Variants in PCK1 observed in about 807,000 individuals in gnomAD.
PCK1 encodes phosphoenolpyruvate carboxykinase, cytosolic [GTP].
In PCK1, 44 loss-of-function variants were observed where a neutral mutation model predicts 50.3. The ratio of observed to expected loss-of-function variants is 0.87; its 90% confidence interval spans 0.69 to 1.12. The LOEUF is 1.12. Among genes scored for constraint, PCK1 ranks in the 50% most tolerant of loss-of-function variants. The pLI, the probability that PCK1 is intolerant of heterozygous loss-of-function variation, is 0.00. For synonymous variants in PCK1, 332 were observed against 314.3 expected, an observed-to-expected ratio of 1.06 and a Z score of -0.59; for missense variants, 790 against 815.0, an observed-to-expected ratio of 0.97 and a Z score of 0.37.
In PCK1 at chr20:57,564,616, G is replaced by A. The variant is rs1333715127; in HGVS notation, c.1318+3G>A. On this transcript the variant is annotated splice_donor_region_variant and intron_variant, in intron 8 of 9. Coordinates refer to ENST00000319441, the MANE Select transcript of PCK1 (RefSeq NM_002591.4). The stretch of plus-strand genomic sequence containing the variant: ...CTTTGGAGGCCGTAGACCTGCTGGT[G>A]AGGCTCTCCTTCATTTAGGCTGGGA... The A allele has an allele frequency of 6.3e-7, 1 of 1,581,838 alleles. No homozygotes were observed. The highest frequency in any genetic ancestry group is 8.6e-7 in the Non-Finnish European group (1 of 1,163,514).
In PCK1 at chr20:57,565,897, G is replaced by A. The variant is rs192297442; in HGVS notation, c.*93G>A. The A allele has an allele frequency of 1.5e-4, 130 of 893,818 alleles. No individual in the cohort carries two copies. The highest frequency in any genetic ancestry group is 1.8e-4 in the Non-Finnish European group (110 of 596,526). 55.4% of individuals were successfully genotyped at this position (893,818 alleles called of 1,614,324 possible). A position where few individuals can be genotyped will look rare whatever the true frequency, so the allele number is the denominator to read the frequency against. ...AGAGGGCAAGTGTTCCCAAATTGAC[G>A]CCACCATAATAATCATCACCACACC... On this transcript the variant is annotated 3_prime_UTR_variant, in exon 10 of 10. Transcript: ENST00000319441.
chr20:57,562,627 A>T, intron 3 of PCK1, 69 bp from the exon 4 acceptor site: 1 of 1,353,384 alleles, frequency 7.4e-7, no homozygotes, highest in South Asian at 1.2e-5. Flanking sequence ...TCTACCTGGG[A>T]AAAAAATGCT....
rs1357380469 is a variant in PCK1 at position 57,564,380 on chromosome 20, G to T, written c.1173G>T (p.Trp391Cys). 6.2e-7 allele frequency: 1 copy of T among 1,614,000 alleles called. No homozygotes were observed. The highest frequency in any genetic ancestry group is 8.5e-7 in the Non-Finnish European group (1 of 1,179,886). The change falls in exon 7 of 10, where the codon TGG becomes TGT. Residue 391 changes from tryptophan to cysteine, a missense_variant. Physicochemically the swap from Trp to Cys is radical, Grantham distance 215. Transcript: ENST00000319441. ...VTITSWKNKE[W>C]SSEDGEPCAH... is the part of the protein sequence containing the mutation. ...TCACGTCCTGGAAGAATAAGGAGTGGAGCTCAGAGGATGGTGTGTCCCTGC... is the reference window on the plus strand; with the variant it reads ...TCACGTCCTGGAAGAATAAGGAGTGTAGCTCAGAGGATGGTGTGTCCCTGC...
At chr20:57,563,457 T>C (rs2070171884) in intron 5 of PCK1, 108 bp from the exon 6 acceptor site, 1 of 774,210 alleles carries the variant, frequency 1.3e-6, no homozygotes, top group Non-Finnish European at 2.1e-6. Context: ...TTTGCACTGA[T>C]ACCTGAAGAA....
rs1392245750 is a variant in PCK1 at position 57,567,335 on chromosome 20, C to T, written c.*1531C>T. On this transcript the variant is annotated 3_prime_UTR_variant, in exon 10 of 10. Transcript: ENST00000319441. ...ATATGGAAGGTGAAGCTGAGATCAC[C>T]CCAATTTTACAGGTGAGGAAACTGA... 6.6e-6 allele frequency: 1 copy of T among 152,002 alleles called. No individual in the cohort carries two copies. Among genetic ancestry groups the T allele is most frequent in the African/African-American group, 2.4e-5 (1 of 41,306 alleles). 9.4% of individuals were successfully genotyped at this position (152,002 alleles called of 1,614,324 possible).
chr20:57,563,434 C>A, intron 5 of PCK1, 131 bp from the exon 6 acceptor site: 1 of 720,760 alleles, frequency 1.4e-6, no homozygotes, highest in African/African-American at 1.8e-5. Context: ...CTTCATGATT[C>A]TGGGAGTGTT....
Position 57,565,619 on chromosome 20 carries a change from G to A in PCK1, c.1684G>A (p.Asp562Asn), listed in dbSNP as rs778009128. Residue 562 changes from aspartate (D) to asparagine (N), a missense_variant, in exon 10 of 10, where the codon GAT becomes AAT. Asp to Asn is a conservative substitution (Grantham distance 23). Coordinates refer to ENST00000319441, the MANE Select transcript of PCK1 (RefSeq NM_002591.4). The stretch of plus-strand genomic sequence containing the variant: ...GCCCATAGGCTACATCCCCAAGGAG[G>A]ATGCCCTGAACCTGAAAGGCCTGGG... The part of the protein sequence containing the change: ...LTPIGYIPKE[D>N]ALNLKGLGHI... 5 of 1,614,086 alleles carry A rather than the reference G, an allele frequency of 3.1e-6. No individual in the cohort carries two copies. The highest frequency in any genetic ancestry group is 1.7e-5 in the Admixed American group (1 of 60,014).
rs377454991 is a variant in PCK1, at chr20:57,562,681, C to T, written c.407-15C>T. 1.2e-5 allele frequency: 19 copies of T among 1,608,042 alleles called. No homozygotes were observed. In the African/African-American group the frequency reaches 2.0e-4, roughly 17 times the overall value. On this transcript the variant is annotated splice_polypyrimidine_tract_variant and intron_variant, in intron 3 of 9. Transcript: ENST00000319441. ...AGGTCATTTCTCACCAGTGCCCACC[C>T]ATCGCACCCTGTAGGTCGCACCATG...
chr20:57,564,205 T>G lies in PCK1; in HGVS notation c.998T>G (p.Phe333Cys). The G allele has an allele frequency of 6.2e-7, 1 of 1,614,036 alleles. No homozygotes were observed. The highest frequency in any genetic ancestry group is 8.5e-7 in the Non-Finnish European group (1 of 1,179,932). ...GCCATCAACCCAGAAAATGGCTTTT[T>G]CGGTGTCGCTCCTGGGACTTCAGTG... is the stretch of plus-strand genomic sequence containing the variant. ...LRAINPENGF[F>C]GVAPGTSVKT... Residue 333 changes from phenylalanine (F) to cysteine (C), a missense_variant, in exon 7 of 10, where the codon TTC becomes TGC. Coordinates refer to ENST00000319441, the MANE Select transcript of PCK1 (RefSeq NM_002591.4).
chr20:57,563,804 C>T (rs2070176819), intron 6 of PCK1, 77 bp downstream of exon 6: 1 of 1,210,732 alleles, frequency 8.3e-7, no homozygotes, highest in East Asian at 2.4e-5. Flanking sequence ...GTCACATTCT[C>T]CTCAGTCCAG....
In PCK1 at chr20:57,563,200, G is replaced by C. The variant is rs768134076; in HGVS notation, c.783G>C (p.Leu261=). 4.3e-6 allele frequency: 7 copies of C among 1,613,466 alleles called. No individual in the cohort carries two copies. In the Admixed American group the frequency reaches 8.3e-5, roughly 19 times the overall value. Residue 261 remains leucine (L), a synonymous_variant, in exon 5 of 10, where the codon CTG becomes CTC. Transcript: ENST00000319441. ...ASRLAKEEGW[L]AEHMLILGIT... is the part of the protein sequence containing the mutation. ...GGCTGGCCAAGGAGGAAGGGTGGCT[G>C]GCAGAGCACATGCTGGTGAGCCTGC...
In PCK1 at chr20:57,567,364, C is replaced by A. The variant is rs965552094; in HGVS notation, c.*1560C>A. 2 of 151,768 alleles carry A rather than the reference C, an allele frequency of 1.3e-5. No homozygotes were observed. Among genetic ancestry groups the A allele is most frequent in the African/African-American group, 4.9e-5 (2 of 41,042 alleles). The allele number at this position is 151,768 out of a possible 1,614,324, so 9.4% of individuals were successfully genotyped here. On this transcript the variant is annotated 3_prime_UTR_variant, in exon 10 of 10. Coordinates refer to ENST00000319441, the MANE Select transcript of PCK1 (RefSeq NM_002591.4). ...ATTTTACAGGTGAGGAAACTGAGGT[C>A]AAGCTAGGAGCGTCCAGCGGGGCTG...
Position 57,561,590 on chromosome 20 carries a change from T to A in PCK1, c.179T>A (p.Met60Lys). ...GAGAATGGGCGGCTTCTGGGCCAGATGGAGGAAGAGGGCATCCTCAGGCGG... is the reference window on the plus strand; with the variant it reads ...GAGAATGGGCGGCTTCTGGGCCAGAAGGAGGAAGAGGGCATCCTCAGGCGG... Reference protein sequence around the residue: ...EEENGRLLGQMEEEGILRRLK... With the variant: ...EEENGRLLGQKEEEGILRRLK... The change falls in exon 2 of 10, where the codon ATG becomes AAG. Residue 60 changes from methionine (M) to lysine (K), a missense_variant. Physicochemically the swap from Met to Lys is moderately conservative, Grantham distance 95. Transcript: ENST00000319441. 2 of 1,613,772 alleles carry A rather than the reference T, an allele frequency of 1.2e-6. No individual in the cohort carries two copies. Among genetic ancestry groups the A allele is most frequent in the East Asian group, 2.2e-5 (1 of 44,880 alleles).
rs1324282874 is a variant in PCK1 at position 57,565,029 on chromosome 20, TCCTGC to T, written c.1319-10_1319-6del. 1.3e-6 allele frequency: 2 copies of T among 1,597,762 alleles called. No individual in the cohort carries two copies. Among genetic ancestry groups the T allele is most frequent in the Admixed American group, 1.7e-5 (1 of 59,226 alleles). On this transcript the variant is annotated splice_polypyrimidine_tract_variant and splice_region_variant and intron_variant, in intron 8 of 9. Coordinates refer to ENST00000319441, the MANE Select transcript of PCK1 (RefSeq NM_002591.4). ...TCTGATGAACATTTCTCTTTTTTTT[TCCTGC>T]TAAAGGTGTCCCTCTAGTCTATGAA...
rs750240543 is a variant in PCK1, at chr20:57,561,447, G to A, written c.36G>A (p.Ser12=). ...PPQLQNGLNL[S]AKVVQGSLDS... ...AGCTGCAAAACGGCCTGAACCTCTCGGCCAAAGTTGTCCAGGGAAGCCTGG... is the reference window on the plus strand; with the variant it reads ...AGCTGCAAAACGGCCTGAACCTCTCAGCCAAAGTTGTCCAGGGAAGCCTGG... The change falls in exon 2 of 10, where the codon TCG becomes TCA. Residue 12 remains serine, a synonymous_variant. Transcript: ENST00000319441. 1.6e-5 allele frequency: 26 copies of A among 1,613,464 alleles called. No individual in the cohort carries two copies. Among genetic ancestry groups the A allele is most frequent in the Middle Eastern group, 1.6e-4 (1 of 6,084 alleles).
chr20:57,561,868 A>C, intron 2 of PCK1: 1 of 613,050 alleles, frequency 1.6e-6, no homozygotes, highest in Admixed American at 2.9e-5. Context: ...TCCTGATTAA[A>C]AAAAAGGCAG....
rs2070198243 is a variant in PCK1, at chr20:57,565,732, A to G, written c.1797A>G (p.Gln599=). 6.2e-7 allele frequency: 1 copy of G among 1,613,804 alleles called. No homozygotes were observed. The highest frequency in any genetic ancestry group is 8.5e-7 in the Non-Finnish European group (1 of 1,180,010). ...ACATCGAGAAGTATCTGGAGGATCA[A>G]GTCAATGCCGACCTCCCCTGTGAAA... ...VEDIEKYLED[Q]VNADLPCEIE... Residue 599 remains glutamine (Q), a synonymous_variant, in exon 10 of 10, where the codon CAA becomes CAG. Coordinates refer to ENST00000319441, the MANE Select transcript of PCK1 (RefSeq NM_002591.4).
chr20:57,562,252 G>T lies in PCK1; in HGVS notation c.406G>T (p.Gly136Cys), dbSNP rs2070153092. The change falls in exon 3 of 10, where the codon GGT becomes TGT. Residue 136 changes from glycine to cysteine, a missense_variant and splice_region_variant. Gly to Cys is a radical substitution (Grantham distance 159). Coordinates refer to ENST00000319441, the MANE Select transcript of PCK1 (RefSeq NM_002591.4). ...TGCCAGGTTCCCAGGGTGCATGAAAGGTGAGCGGAACATTGATTTGATTGG... is the reference window on the plus strand; with the variant it reads ...TGCCAGGTTCCCAGGGTGCATGAAATGTGAGCGGAACATTGATTTGATTGG... ...FNARFPGCMK[G>C]RTMYVIPFSM... The T allele has an allele frequency of 1.2e-6, 2 of 1,612,982 alleles. No homozygotes were observed. Among genetic ancestry groups the T allele is most frequent in the African/African-American group, 2.7e-5 (2 of 74,928 alleles).
At position 57,565,020 on chromosome 20, in the gene PCK1, C is replaced by CTT. The variant is rs59716278; in HGVS notation, c.1319-12_1319-11dup. 169,087 of 1,538,352 alleles carry CTT rather than the reference C, an allele frequency of 0.11. 5,831 individuals are homozygous for CTT. Among genetic ancestry groups the CTT allele is most frequent in the African/African-American group, 0.24 (17,317 of 72,040 alleles). On this transcript the variant is annotated intron_variant, in intron 8 of 9. Transcript: ENST00000319441. ...TTCAAAGCCTCTGATGAACATTTCT[C>CTT]TTTTTTTTTCCTGCTAAAGGTGTCC...
Sources: allele counts gnomAD v4.1 joint callset, GRCh38; gene constraint gnomAD v4.1.1; transcripts MANE v1.5; gene names NCBI Gene and HGNC (gene_info 2026-07-23, HGNC 2026-07-21).